SLC25A26: variants seen among roughly 807,000 people sequenced by gnomAD.
SLC25A26 encodes solute carrier family 25 member 26, also known as mitochondrial S-adenosylmethionine carrier protein.
SLC25A26 carries 36 observed loss-of-function variants against 37.8 expected under a neutral mutation model. The observed-to-expected ratio is 0.95, with a 90% CI of 0.73 to 1.26. The LOEUF is 1.26. Ranked by LOEUF, SLC25A26 falls within the 50% of genes most tolerant of loss-of-function variation. SLC25A26 has a pLI of 0.00. For missense variants in SLC25A26, 390 were observed against 331.1 expected (o/e 1.18, Z -1.38); for synonymous variants, 129 against 122.5 (o/e 1.05, Z -0.35).
intron 5 of SLC25A26, among the ~76,000 whole-genome samples, chr3:66,300,029 G>A (rs187130969): frequency 2.0e-5 from 3 of 152,170 alleles, no homozygotes; most frequent in East Asian, 1.9e-4. Context: ...AGCTGTTAGC[G>A]TTTCTCCTTT....
rs537714146 is a variant in SLC25A26, at chr3:66,356,201, A to G, written c.499-6659A>G. On this transcript the variant is annotated intron_variant, in intron 6 of 9. Transcript: ENST00000354883. Reference sequence around the variant, plus strand: ...AAAAACAAAGCCTTCTCTTCAGGCTATACTTTAAATAGAAGACACTTGGTC... The same window carrying G: ...AAAAACAAAGCCTTCTCTTCAGGCTGTACTTTAAATAGAAGACACTTGGTC... 5.8e-5 allele frequency: 23 copies of G among 398,658 alleles called. No individual in the cohort carries two copies. The East Asian group carries it at 8.6e-4, about 15-fold the overall frequency. 24.7% of individuals were successfully genotyped at this position (398,658 alleles called of 1,614,324 possible).
chr3:66,225,719 C>G (rs1056750141), intron 1 of SLC25A26, among the ~76,000 whole-genome samples: 3 of 152,158 alleles, frequency 2.0e-5, no homozygotes, highest in Non-Finnish European at 2.9e-5. Flanking sequence ...TTTGTCACCT[C>G]TAGGATGCTT....
At chr3:66,344,375 A>AT (rs1323946140) in intron 5 of SLC25A26, among the ~76,000 whole-genome samples, 2 of 151,996 alleles carry the variant, frequency 1.3e-5, no homozygotes, top group Non-Finnish European at 2.9e-5. Context: ...AGACAGGAGA[A>AT]TTGCTTGAGC....
intron 1 of SLC25A26, among the ~76,000 whole-genome samples, chr3:66,205,318 C>G (rs1388451068): frequency 6.6e-6 from 1 of 152,232 alleles, no homozygotes; most frequent in East Asian, 1.9e-4. Context: ...TTTCCTGTCC[C>G]CAGAGTCTTA....
At chr3:66,135,332 TGTAATACGTTA>T (rs2069930661) in intron 1 of SLC25A26, among the ~76,000 whole-genome samples, 1 of 152,226 alleles carries the variant, frequency 6.6e-6, no homozygotes, top group Admixed American at 6.5e-5. Flanking sequence ...ATATAAACAT[TGTAATACGTTA>T]CATGCTCAAA....
chr3:66,165,350 C>A (rs896706314), intron 1 of SLC25A26, among the ~76,000 whole-genome samples: 2 of 152,288 alleles, frequency 1.3e-5, no homozygotes, highest in South Asian at 4.1e-4. Flanking sequence ...CTTTTGAATT[C>A]TTGACTCACA....
chr3:66,309,855 T>C (rs1450950420), intron 5 of SLC25A26, among the ~76,000 whole-genome samples: 3 of 140,078 alleles, frequency 2.1e-5, no homozygotes, highest in Non-Finnish European at 4.6e-5. Flanking sequence ...TGCACTGTGG[T>C]CTGAGAGACT....
intron 5 of SLC25A26, among the ~76,000 whole-genome samples, chr3:66,303,922 C>T (rs116059990): frequency 0.011 from 1,740 of 152,272 alleles, 13 homozygotes; most frequent in Non-Finnish European, 0.019. Context: ...TTCTTGTTAG[C>T]GATTGGATGG....
chr3:66,233,672 A>G (rs1005703178), intron 1 of SLC25A26, among the ~76,000 whole-genome samples: 2 of 151,878 alleles, frequency 1.3e-5, no homozygotes, highest in African/African-American at 4.9e-5. Context: ...AGGTATTCTT[A>G]TTCTTCAGGT....
chr3:66,186,175 T>C (rs1488210742), intron 1 of SLC25A26, among the ~76,000 whole-genome samples: 4 of 151,878 alleles, frequency 2.6e-5, no homozygotes, highest in African/African-American at 9.7e-5. Context: ...CCGCGTGATA[T>C]TGACCCTCTA....
At chr3:66,363,976 T>C (rs1338048722) in intron 7 of SLC25A26, among the ~76,000 whole-genome samples, 1 of 151,742 alleles carries the variant, frequency 6.6e-6, no homozygotes, top group Non-Finnish European at 1.5e-5. Context: ...TTGATTCATT[T>C]TCCAGAGGTC....
intron 5 of SLC25A26, among the ~76,000 whole-genome samples, chr3:66,271,748 A>C (rs2073966841): frequency 6.6e-6 from 1 of 151,952 alleles, no homozygotes; most frequent in South Asian, 2.1e-4. Context: ...AAAGAAGACC[A>C]TTTCATACAT....
At chr3:66,263,585 C>T (rs1449776533) in intron 5 of SLC25A26, among the ~76,000 whole-genome samples, 2 of 152,176 alleles carry the variant, frequency 1.3e-5, no homozygotes, top group African/African-American at 4.8e-5. Flanking sequence ...AGAGCAATTT[C>T]AGTGGTCAGA....
chr3:66,377,960 G>A lies in SLC25A26; in HGVS notation c.*153G>A. The A allele has an allele frequency of 1.6e-6, 1 of 627,766 alleles. No individual in the cohort carries two copies. The highest frequency in any genetic ancestry group is 2.7e-5 in the East Asian group (1 of 37,210). The allele number at this position is 627,766 out of a possible 1,614,324, so 38.9% of individuals were successfully genotyped here. ...GGAGATTGTGCCATCCGTGGTATAG[G>A]CTGGCTGGTATGAAGTCATTGGCCT... On this transcript the variant is annotated 3_prime_UTR_variant, in exon 10 of 10. Coordinates refer to ENST00000354883, the MANE Select transcript of SLC25A26 (RefSeq NM_001379210.1).
At chr3:66,162,647 A>T (rs2070376145) in intron 1 of SLC25A26, among the ~76,000 whole-genome samples, 1 of 152,174 alleles carries the variant, frequency 6.6e-6, no homozygotes, top group South Asian at 2.1e-4. Context: ...AGGCACATGG[A>T]GGAATTTTAG....
chr3:66,136,870 T>C (rs2069954255), intron 1 of SLC25A26, among the ~76,000 whole-genome samples: 1 of 152,218 alleles, frequency 6.6e-6, no homozygotes, highest in East Asian at 1.9e-4. Context: ...CTCTCATACT[T>C]GCTAGTCTCC....
chr3:66,135,035 T>C (rs1166489153), intron 1 of SLC25A26, among the ~76,000 whole-genome samples: 1 of 152,112 alleles, frequency 6.6e-6, no homozygotes, highest in African/African-American at 2.4e-5. Context: ...TTCACCATGT[T>C]GGTCAGGCTG....
At chr3:66,139,550 C>G (rs2106663087) in intron 1 of SLC25A26, among the ~76,000 whole-genome samples, 1 of 152,302 alleles carries the variant, frequency 6.6e-6, no homozygotes, top group Admixed American at 6.5e-5. Flanking sequence ...ATTAGAGCTC[C>G]TAGCCTACAA....
At chr3:66,349,857 G>A (rs2107753837) in intron 6 of SLC25A26, among the ~76,000 whole-genome samples, 1 of 152,222 alleles carries the variant, frequency 6.6e-6, no homozygotes, top group East Asian at 1.9e-4. Context: ...CTACATCCAT[G>A]TCATTTCTTG....
Sources: gnomAD v4.1 joint callset for allele counts (sites outside exome capture counted in the v4.1 genomes callset) on GRCh38, gnomAD v4.1.1 for gene constraint, MANE v1.5 for transcripts, NCBI Gene and HGNC (gene_info 2026-07-23, HGNC 2026-07-21) for gene names.